PHF19: variants seen among roughly 807,000 people sequenced by gnomAD.
PHF19 encodes the protein PHD finger protein 19, also known as polycomb like 3.
A neutral mutation model predicts 79.8 loss-of-function variants in PHF19; 21 were observed. The observed-to-expected ratio is 0.26, with a 90% CI of 0.19 to 0.38. The LOEUF is 0.38. Ranked by LOEUF, PHF19 falls within the 10% of genes least tolerant of loss-of-function variation. PHF19 has a pLI of 1.00. For synonymous variants in PHF19, 273 were observed against 296.3 expected (o/e 0.92, Z 0.81); for missense variants, 445 against 744.2 (o/e 0.60, Z 4.68).
chr9:120,893,841 T>C (rs1172671231), intron 1 of PHF19, among the ~76,000 whole-genome samples: 1 of 152,180 alleles, frequency 6.6e-6, no homozygotes, highest in African/African-American at 2.4e-5. Context: ...GAGTTGTAGG[T>C]TTCCCTAAGG....
At chr9:120,864,939 C>G (rs989305551) in intron 9 of PHF19, among the ~76,000 whole-genome samples, 2 of 150,462 alleles carry the variant, frequency 1.3e-5, no homozygotes, top group Admixed American at 1.3e-4. Context: ...TTTTCCACCA[C>G]GAATATGTAC....
chr9:120,888,012 G>A (rs1203844440), intron 1 of PHF19, among the ~76,000 whole-genome samples: 1 of 152,122 alleles, frequency 6.6e-6, no homozygotes, highest in Non-Finnish European at 1.5e-5. Context: ...CACGTCTGTC[G>A]CCCAGACTGG....
intron 6 of PHF19, 60 bp from the exon 7 acceptor site, chr9:120,867,025 C>T (rs1415045859): frequency 1.1e-5 from 11 of 968,780 alleles, no homozygotes; most frequent in East Asian, 4.8e-5. Flanking sequence ...GTATGAGCTT[C>T]GGCAACCTTT....
At chr9:120,892,661 G>C (rs887291174) in intron 1 of PHF19, among the ~76,000 whole-genome samples, 9 of 152,206 alleles carry the variant, frequency 5.9e-5, no homozygotes, top group South Asian at 4.1e-4. Flanking sequence ...TCATTCCTGG[G>C]TGCTTCTGAC....
upstream of PHF19, among the ~76,000 whole-genome samples, chr9:120,896,455 T>C (rs942293955): frequency 2.1e-5 from 3 of 142,004 alleles, no homozygotes; most frequent in Non-Finnish European, 4.6e-5. Context: ...TTTTTTCTTT[T>C]TTTTTTTTTT....
intron 9 of PHF19, 57 bp downstream of exon 9, chr9:120,865,653 G>A (rs1047565068): frequency 1.2e-5 from 20 of 1,607,420 alleles, no homozygotes; most frequent in Admixed American, 6.7e-5. Flanking sequence ...CCTGCACTGC[G>A]TGGCCCTGGG....
Position 120,862,879 on chromosome 9 carries a change from G to A in PHF19, c.969-130C>T. On this transcript the variant is annotated intron_variant, in intron 10 of 14. Coordinates refer to ENST00000373896, the MANE Select transcript of PHF19 (RefSeq NM_015651.3). This position sits in a 1 kb window ranked among gnomAD's most constrained non-coding sequence, Gnocchi z 4.6. ...AGCTAAAATCCGGATGGTCTCTGCA[G>A]ATGCTGACTTCCTCAAAGCCCATGG... The A allele has an allele frequency of 1.2e-6, 1 of 821,886 alleles. No individual in the cohort carries two copies. The allele number at this position is 821,886 out of a possible 1,614,324, so 50.9% of individuals were successfully genotyped here. A position where few individuals can be genotyped will look rare whatever the true frequency, so the allele number is the denominator to read the frequency against.
intron 3 of PHF19, among the ~76,000 whole-genome samples, chr9:120,871,169 C>A (rs1290063506): frequency 6.6e-6 from 1 of 152,186 alleles, no homozygotes; most frequent in Middle Eastern, 3.2e-3. Context: ...TCTCAAAGTT[C>A]TGGGATTACA....
upstream of PHF19, among the ~76,000 whole-genome samples, chr9:120,880,907 C>T (rs2046171248): frequency 1.3e-5 from 2 of 150,870 alleles, no homozygotes; most frequent in Non-Finnish European, 3.0e-5. Flanking sequence ...CCACAGTAAG[C>T]CATGATTGTG....
chr9:120,881,332 A>G (rs2046181139), upstream of PHF19, among the ~76,000 whole-genome samples: 1 of 151,938 alleles, frequency 6.6e-6, no homozygotes. Context: ...TATTTTTAGT[A>G]GAGACGGGCT....
chr9:120,882,859 A>AT lies in PHF19; in HGVS notation c.43-8104_43-8103insA, dbSNP rs397714081. Reference sequence around the variant, plus strand: ...CTCCATCTCAAAAAAAAAAAAAAAAAGAAAGAAACTGCTCTACACACAAGA... The same window carrying AT: ...CTCCATCTCAAAAAAAAAAAAAAAAATGAAAGAAACTGCTCTACACACAAGA... On this transcript the variant is annotated intron_variant, in intron 1 of 14. Coordinates refer to the PHF19 transcript ENST00000616568. Among the ~76,000 whole-genome samples, 228 of 151,054 alleles carry AT rather than the reference A, an allele frequency of 1.5e-3. 1 individual carries two copies. The highest frequency in any genetic ancestry group is 2.8e-3 in the Non-Finnish European group (193 of 67,738).
upstream of PHF19, chr9:120,877,447 GCCCGCCCC>G (rs2046101347): frequency 8.3e-6 from 6 of 724,228 alleles, no homozygotes; most frequent in East Asian, 1.4e-4. Context: ...GCCCGCCCCC[GCCCGCCCC>G]GCGGGCGCGC....
Position 120,869,115 on chromosome 9 carries a change from G to A in PHF19, c.614+67C>T, listed in dbSNP as rs1466011777. 2.0e-6 allele frequency: 3 copies of A among 1,500,954 alleles called. No individual in the cohort carries two copies. Among genetic ancestry groups the A allele is most frequent in the Admixed American group, 3.9e-5 (2 of 51,440 alleles). 93.0% of individuals were successfully genotyped at this position (1,500,954 alleles called of 1,614,324 possible). On this transcript the variant is annotated intron_variant, in intron 6 of 14. Coordinates refer to ENST00000373896, the MANE Select transcript of PHF19 (RefSeq NM_015651.3). This position sits in a 1 kb window ranked among gnomAD's most constrained non-coding sequence, Gnocchi z 5.8. Reference sequence around the variant, plus strand: ...GACACGCCAGGCTCGCTCCCTATGGGCGGTCCCTGCTGGCGATTCTTGGAG... The same window carrying A: ...GACACGCCAGGCTCGCTCCCTATGGACGGTCCCTGCTGGCGATTCTTGGAG...
At position 120,870,093 on chromosome 9, in the gene PHF19, A is replaced by G; in HGVS notation, c.365-148T>C. On this transcript the variant is annotated intron_variant, in intron 4 of 14. Transcript: ENST00000373896. The surrounding 1 kb of genome is among the most constrained non-coding windows in gnomAD (Gnocchi z 4.4). ...GGGAGCCTGGCTGCTGGTGCCCACCAAGATGGCCAAGTCAGTGTCCAGGCT... is the reference window on the plus strand; with the variant it reads ...GGGAGCCTGGCTGCTGGTGCCCACCGAGATGGCCAAGTCAGTGTCCAGGCT... The G allele has an allele frequency of 8.6e-7, 1 of 1,156,962 alleles. No homozygotes were observed. The highest frequency in any genetic ancestry group is 2.3e-5 in the Admixed American group (1 of 42,900). The allele number at this position is 1,156,962 out of a possible 1,614,324, so 71.7% of individuals were successfully genotyped here.
chr9:120,902,720 C>CCTTCACCAGCTGGATCTGGGATTCTGTG, the PHF19 span: 1 of 152,284 alleles, frequency 6.6e-6, no homozygotes, highest in African/African-American at 2.4e-5. Context: ...AGCCTTCCCT[C>CCTTCACCAGCTGGATCTGGGATTCTGTG]CTTCACCAGC....
rs1170243737 is a variant in PHF19, at chr9:120,872,037, C to CAAAAAAAAAAAAAAAAAAAAA, written c.269-1520_269-1500dup. Among the ~76,000 whole-genome samples the CAAAAAAAAAAAAAAAAAAAAA allele has an allele frequency of 4.3e-4, 13 of 30,320 alleles. 1 individual carries two copies. Among genetic ancestry groups the CAAAAAAAAAAAAAAAAAAAAA allele is most frequent in the African/African-American group, 8.0e-4 (6 of 7,532 alleles). 19.9% of individuals were successfully genotyped at this position (30,320 alleles called of 152,430 possible). A position where few individuals can be genotyped will look rare whatever the true frequency, so the allele number is the denominator to read the frequency against. ...TGGGTGACAGAGCAAGACTCTGTCT[C>CAAAAAAAAAAAAAAAAAAAAA]AAAAAAAAAAAAAAAAAAAAAAAAA... On this transcript the variant is annotated intron_variant, in intron 3 of 14. Coordinates refer to ENST00000373896, the MANE Select transcript of PHF19 (RefSeq NM_015651.3).
chr9:120,880,676 A>T (rs1057117808), upstream of PHF19, among the ~76,000 whole-genome samples: 11 of 152,208 alleles, frequency 7.2e-5, no homozygotes, highest in Non-Finnish European at 1.2e-4. Flanking sequence ...TTCTTAACGC[A>T]TTCAGCTGGG....
At chr9:120,871,017 C>T (rs2045879556) in intron 3 of PHF19, among the ~76,000 whole-genome samples, 1 of 152,200 alleles carries the variant, frequency 6.6e-6, no homozygotes. Flanking sequence ...ATTCTCCTGC[C>T]TCAGCCTCCC....
In PHF19 at chr9:120,869,634, G is replaced by A. The variant is rs1396779416; in HGVS notation, c.465+211C>T. 1.0e-5 allele frequency: 16 copies of A among 1,525,680 alleles called. No individual in the cohort carries two copies. The Admixed American group carries it at 1.6e-4, about 16-fold the overall frequency. 94.5% of individuals were successfully genotyped at this position (1,525,680 alleles called of 1,614,324 possible). Reference sequence around the variant, plus strand: ...ATCATTTATTGGTCCCGTTATTCCCGACACCAAACCCATCTCCACTTTACA... The same window carrying A: ...ATCATTTATTGGTCCCGTTATTCCCAACACCAAACCCATCTCCACTTTACA... On this transcript the variant is annotated intron_variant, in intron 5 of 14. Transcript: ENST00000373896. The surrounding 1 kb of genome is among the most constrained non-coding windows in gnomAD (Gnocchi z 5.8).
Sources: gnomAD v4.1 joint callset for allele counts (sites outside exome capture counted in the v4.1 genomes callset) on GRCh38, gnomAD v4.1.1 for gene constraint, Gnocchi (gnomAD v3.1) non-coding constraint, MANE v1.5 for transcripts, NCBI Gene and HGNC (gene_info 2026-07-23, HGNC 2026-07-21) for gene names.